The following DBF4B variants were observed in gnomAD, a reference collection of about 807,000 sequenced individuals.
DBF4B encodes the protein protein DBF4 homolog B.
A neutral mutation model predicts 53.4 loss-of-function variants in DBF4B; 49 were observed. The ratio of observed to expected loss-of-function variants is 0.92; its 90% CI spans 0.73 to 1.16. The LOEUF (loss-of-function observed/expected upper bound fraction) is 1.16. Among genes scored for constraint, DBF4B ranks in the 50% most tolerant of loss-of-function variants. DBF4B has a pLI of 0.00. For synonymous variants in DBF4B, 257 were observed against 288.7 expected, an observed-to-expected ratio of 0.89 and a Z score of 1.11; for missense variants, 692 against 775.0, an observed-to-expected ratio of 0.89 and a Z score of 1.27.
At position 44,730,042 on chromosome 17, in the gene DBF4B, C is replaced by A. The variant is rs1568178066; in HGVS notation, c.363C>A (p.Ala121=). ...SPSEVRVETS[A]MVDPKGSHPR... is the part of the protein sequence containing the mutation. ...GTGAGGTCAGAGTGGAAACATCGGC[C>A]ATGGTTGATCCAAAAGGCAGCCACC... The change falls in exon 4 of 14, where the codon GCC becomes GCA. Residue 121 remains alanine (A), a synonymous_variant. Coordinates refer to ENST00000315005, the MANE Select transcript of DBF4B (RefSeq NM_145663.3). 6.2e-7 allele frequency: 1 copy of A among 1,613,212 alleles called. No homozygotes were observed. The highest frequency in any genetic ancestry group is 8.5e-7 in the Non-Finnish European group (1 of 1,180,036).
At chr17:44,747,035 C>G (rs1598861940) in intron 10 of DBF4B, 48 bp from the exon 11 acceptor site, 3 of 1,568,524 alleles carry the variant, frequency 1.9e-6, no homozygotes, top group East Asian at 2.2e-5. Flanking sequence ...CTCCTCCCCC[C>G]AAGGGCCCCA....
At chr17:44,750,033 A>G in intron 13 of DBF4B, 8 of 1,000,068 alleles carry the variant, frequency 8.0e-6, no homozygotes, top group Non-Finnish European at 9.5e-6. Flanking sequence ...ATGTGGCCAG[A>G]GCCCCCTCTG....
At position 44,725,684 on chromosome 17, in the gene DBF4B, C is replaced by CTTTTTTTTTTTTTTTTTTTTTT. The variant is rs68091397; in HGVS notation, c.225+2682_225+2683insTTTTTTTTTTTTTTTTTTTTTT. On this transcript the variant is annotated intron_variant, in intron 3 of 13. Transcript: ENST00000315005. Reference sequence around the variant, plus strand: ...ATCCTGCCTTTGTTTTTTTGTGCTTCTTTTTTTTTTTTTTTTTTTTAAGAG... The same window carrying CTTTTTTTTTTTTTTTTTTTTTT: ...ATCCTGCCTTTGTTTTTTTGTGCTTCTTTTTTTTTTTTTTTTTTTTTTTTTTTTTTTTTTTTTTTTTTAAGAG... Among the ~76,000 whole-genome samples the CTTTTTTTTTTTTTTTTTTTTTT allele has an allele frequency of 7.3e-4, 64 of 87,636 alleles. 7 individuals are homozygous for CTTTTTTTTTTTTTTTTTTTTTT. The highest frequency in any genetic ancestry group is 2.5e-3 in the African/African-American group (52 of 20,854). 57.5% of individuals were successfully genotyped at this position (87,636 alleles called of 152,430 possible). A position where few individuals can be genotyped will look rare whatever the true frequency, so the allele number is the denominator to read the frequency against.
At chr17:44,722,282 TG>T (rs1178037013) in intron 2 of DBF4B, among the ~76,000 whole-genome samples, 1 of 151,994 alleles carries the variant, frequency 6.6e-6, no homozygotes, top group African/African-American at 2.4e-5. Flanking sequence ...GCTGTCTTTT[TG>T]AGTTATAATT....
rs1211617966 is a variant in DBF4B, at chr17:44,721,430, G to A, written c.83-1450G>A. Among the ~76,000 whole-genome samples, 7 of 152,106 alleles carry A rather than the reference G, an allele frequency of 4.6e-5. No homozygotes were observed. The East Asian group carries it at 7.7e-4, about 17-fold the overall frequency. ...GGCAGGGTTTTGCCATGTTGCCCAG[G>A]CTGGTCTCGAACTCCTGGCCTCAAG... On this transcript the variant is annotated intron_variant, in intron 2 of 13. Transcript: ENST00000315005.
intron 2 of DBF4B, among the ~76,000 whole-genome samples, chr17:44,717,441 T>C (rs111895474): frequency 2.6e-5 from 4 of 152,242 alleles, no homozygotes; most frequent in African/African-American, 9.6e-5. Context: ...GCGTGGTGGC[T>C]CACGCCTGTA....
Position 44,730,052 on chromosome 17 carries a change from C to A in DBF4B, c.373C>A (p.Pro125Thr). 1 of 1,613,036 alleles carries A rather than the reference C, an allele frequency of 6.2e-7. No individual in the cohort carries two copies. The highest frequency in any genetic ancestry group is 1.3e-5 in the African/African-American group (1 of 75,004). ...VRVETSAMVD[P>T]KGSHPRPSRK... ...AGTGGAAACATCGGCCATGGTTGATCCAAAAGGCAGCCACCCCAGGCCTTC... is the reference window on the plus strand; with the variant it reads ...AGTGGAAACATCGGCCATGGTTGATACAAAAGGCAGCCACCCCAGGCCTTC... Residue 125 changes from proline (P) to threonine (T), a missense_variant, in exon 4 of 14, where the codon CCA (proline) becomes ACA (threonine). By Grantham distance (38) the Pro-to-Thr change is conservative. Around this residue, in one of 3 missense-constraint regions of DBF4B, gnomAD observed 597 missense variants for 665.8 expected, o/e 0.90. Coordinates refer to ENST00000315005, the MANE Select transcript of DBF4B (RefSeq NM_145663.3).
At chr17:44,744,089 C>G (rs908131529) in intron 10 of DBF4B, among the ~76,000 whole-genome samples, 17 of 52,088 alleles carry the variant, frequency 3.3e-4, no homozygotes, top group Non-Finnish European at 1.7e-4. Flanking sequence ...CCACCCCCCC[C>G]CCCCCCCGCC....
intron 2 of DBF4B, among the ~76,000 whole-genome samples, chr17:44,713,914 A>G (rs1973116817): frequency 6.6e-6 from 1 of 151,504 alleles, no homozygotes; most frequent in Non-Finnish European, 1.5e-5. Context: ...ATTCTGTGGA[A>G]TTCTTTTTGC....
rs1291892825 is a variant in DBF4B, at chr17:44,751,114, C to A, written c.1709C>A (p.Thr570Asn). 1.2e-6 allele frequency: 2 copies of A among 1,614,058 alleles called. No individual in the cohort carries two copies. The highest frequency in any genetic ancestry group is 1.7e-6 in the Non-Finnish European group (2 of 1,180,040). Residue 570 changes from threonine (T) to asparagine (N), a missense_variant, in exon 14 of 14, where the codon ACC (threonine) becomes AAC (asparagine). This residue lies in a region of DBF4B where 597 missense variants were observed against 665.8 expected (regional missense o/e 0.90). Transcript: ENST00000315005. ...TCAACTGCAGGACCCATTCCCCGAACCTCACATCCGTGTACCCTTGCCTTC... is the reference window on the plus strand; with the variant it reads ...TCAACTGCAGGACCCATTCCCCGAAACTCACATCCGTGTACCCTTGCCTTC... ...SLSTAGPIPRTSHPCTLAFPS... is the reference protein window; with the variant it reads ...SLSTAGPIPRNSHPCTLAFPS...
chr17:44,727,925 C>T (rs142962162), intron 3 of DBF4B, among the ~76,000 whole-genome samples: 211 of 144,280 alleles, frequency 1.5e-3, no homozygotes, highest in African/African-American at 5.0e-3. Context: ...ACCATGTTGG[C>T]CAGGCTGGTC....
chr17:44,748,846 G>A, intron 13 of DBF4B: 3 of 1,292,060 alleles, frequency 2.3e-6, no homozygotes, highest in Non-Finnish European at 3.0e-6. Context: ...TCCCCTTACA[G>A]GCCATGAGTC....
At chr17:44,708,869 G>A in intron 1 of DBF4B, 30 bp downstream of exon 1, 1 of 1,550,466 alleles carries the variant, frequency 6.4e-7, no homozygotes, top group Non-Finnish European at 8.7e-7. Context: ...GAGAAAGAAA[G>A]GCGGAAGGGG....
At chr17:44,724,042 A>G (rs1974079336) in intron 3 of DBF4B, among the ~76,000 whole-genome samples, 1 of 152,068 alleles carries the variant, frequency 6.6e-6, no homozygotes, top group Non-Finnish European at 1.5e-5. Flanking sequence ...CGGAGGTTAC[A>G]GTGAGCTGAA....
At chr17:44,708,904 G>C in intron 1 of DBF4B, 65 bp downstream of exon 1, 1 of 1,541,616 alleles carries the variant, frequency 6.5e-7, no homozygotes, top group Non-Finnish European at 8.8e-7. Context: ...GGCGAGGTGC[G>C]GAGTCGTGGA....
At chr17:44,727,428 A>G (rs552836515) in intron 3 of DBF4B, among the ~76,000 whole-genome samples, 1 of 152,094 alleles carries the variant, frequency 6.6e-6, no homozygotes, top group Non-Finnish European at 1.5e-5. Context: ...CAAAAAGAAA[A>G]AAAAAAGAAA....
At chr17:44,750,025 G>A (rs2049238446) in intron 13 of DBF4B, 2 of 1,001,104 alleles carry the variant, frequency 2.0e-6, no homozygotes, top group South Asian at 4.4e-5. Context: ...AGCCCAGGAT[G>A]TGGCCAGAGC....
Position 44,731,958 on chromosome 17 carries a change from C to A in DBF4B, c.469-220C>A, listed in dbSNP as rs1568180481. The stretch of plus-strand genomic sequence containing the variant: ...GGCCAGAGCACAATGTATAGGCAGA[C>A]CAGTGGTCCTTCCTCTCCCAATGTG... On this transcript the variant is annotated intron_variant, in intron 5 of 13. Coordinates refer to ENST00000315005, the MANE Select transcript of DBF4B (RefSeq NM_145663.3). 4 of 551,586 alleles carry A rather than the reference C, an allele frequency of 7.3e-6. No homozygotes were observed. In the South Asian group the frequency reaches 8.5e-5, roughly 12 times the overall value. 34.2% of individuals were successfully genotyped at this position (551,586 alleles called of 1,614,324 possible). A position where few individuals can be genotyped will look rare whatever the true frequency, so the allele number is the denominator to read the frequency against.
chr17:44,748,520 C>T (rs1025752333), intron 13 of DBF4B, 55 bp downstream of exon 13: 2 of 1,610,004 alleles, frequency 1.2e-6, no homozygotes, highest in Non-Finnish European at 1.7e-6. Flanking sequence ...GCTGAACGTG[C>T]AGGGACTGGT....
Sources: allele counts gnomAD v4.1 joint callset (sites outside exome capture counted in the v4.1 genomes callset), GRCh38; gene constraint gnomAD v4.1.1; regional missense constraint gnomAD v4.1.1; transcripts MANE v1.5; gene names NCBI Gene and HGNC (gene_info 2026-07-23, HGNC 2026-07-21).